MARCHF1: variants seen among roughly 807,000 people sequenced by gnomAD.
MARCHF1 encodes E3 ubiquitin-protein ligase MARCHF1.
In MARCHF1, 40 loss-of-function variants were observed where a neutral mutation model predicts 54.2. The ratio of observed to expected loss-of-function variants is 0.74; its 90% CI spans 0.57 to 0.96. The LOEUF (loss-of-function observed/expected upper bound fraction) is 0.96. Ranked by LOEUF, MARCHF1 falls within the 40% of genes least tolerant of loss-of-function variation. The pLI, the probability that MARCHF1 is intolerant of heterozygous loss-of-function variation, is 0.00. For synonymous variants in MARCHF1, 236 were observed against 236.3 expected, an observed-to-expected ratio of 1.00 and a Z score of 0.01; for missense variants, 586 against 656.5, an observed-to-expected ratio of 0.89 and a Z score of 1.17.
chr4:163,661,619 T>G (rs903795383), intron 5 of MARCHF1, among the ~76,000 whole-genome samples: 1 of 152,090 alleles, frequency 6.6e-6, no homozygotes, highest in Non-Finnish European at 1.5e-5. Flanking sequence ...GCTTTATTGA[T>G]GTATAATTGA....
chr4:164,106,060 A>T (rs967578285), intron 2 of MARCHF1, among the ~76,000 whole-genome samples: 13 of 151,458 alleles, frequency 8.6e-5, no homozygotes, highest in African/African-American at 1.9e-4. Flanking sequence ...TCAAAACCAC[A>T]ATGAGATACC....
intron 4 of MARCHF1, among the ~76,000 whole-genome samples, chr4:163,770,015 T>C (rs1747108487): frequency 6.6e-6 from 1 of 152,142 alleles, no homozygotes; most frequent in African/African-American, 2.4e-5. Flanking sequence ...ATGATTCACT[T>C]CCATTTAATG....
chr4:164,165,263 A>G (rs1281059982), intron 1 of MARCHF1, among the ~76,000 whole-genome samples: 2 of 152,044 alleles, frequency 1.3e-5, no homozygotes, highest in African/African-American at 4.8e-5. Flanking sequence ...TAGGGCCTTT[A>G]TAGAAATAAA....
intron 5 of MARCHF1, among the ~76,000 whole-genome samples, chr4:163,657,374 G>GGAGA (rs1743186003): frequency 6.6e-6 from 1 of 151,978 alleles, no homozygotes; most frequent in Non-Finnish European, 1.5e-5. Context: ...ACCTCTTCAA[G>GGAGA]GAGAACTACA....
chr4:163,616,649 C>T (rs1460079892), intron 5 of MARCHF1, among the ~76,000 whole-genome samples: 1 of 151,986 alleles, frequency 6.6e-6, no homozygotes, highest in Non-Finnish European at 1.5e-5. Context: ...GGAGGATGTG[C>T]TGGAGGCTTC....
chr4:164,180,295 T>G (rs1044094805), intron 1 of MARCHF1, among the ~76,000 whole-genome samples: 1 of 152,066 alleles, frequency 6.6e-6, no homozygotes. Flanking sequence ...ATGTGCTGAA[T>G]TTAAAGAATT....
chr4:164,318,152 T>C (rs190493459), intron 1 of MARCHF1, among the ~76,000 whole-genome samples: 1 of 152,304 alleles, frequency 6.6e-6, no homozygotes. Context: ...AAGGATTACA[T>C]GAATTGATAG....
intron 4 of MARCHF1, among the ~76,000 whole-genome samples, chr4:163,850,743 C>T (rs1718789530): frequency 6.6e-6 from 1 of 152,170 alleles, no homozygotes; most frequent in African/African-American, 2.4e-5. Context: ...TAGAGAGGCA[C>T]TGAGTCTGCT....
At chr4:163,809,285 A>G (rs750524648) in intron 4 of MARCHF1, among the ~76,000 whole-genome samples, 63 of 152,330 alleles carry the variant, frequency 4.1e-4, no homozygotes, top group Non-Finnish European at 6.9e-4. Context: ...AGTAAGAAGA[A>G]AAACCTTTTA....
intron 1 of MARCHF1, among the ~76,000 whole-genome samples, chr4:164,274,636 C>T (rs1185074298): frequency 1.6e-5 from 2 of 127,678 alleles, no homozygotes; most frequent in Non-Finnish European, 3.3e-5. Flanking sequence ...CTACCTGTCG[C>T]TTGATGTGTG....
At position 163,548,695 on chromosome 4, in the gene MARCHF1, A is replaced by G. The variant is rs11947809; in HGVS notation, c.1192-2952T>C. Reference sequence around the variant, plus strand: ...ACAGTGCCCTCTTCCTAACGACTACATTACTGCATGCAATATTCAGTAAAT... The same window carrying G: ...ACAGTGCCCTCTTCCTAACGACTACGTTACTGCATGCAATATTCAGTAAAT... On this transcript the variant is annotated intron_variant, in intron 8 of 9. Coordinates refer to ENST00000514618, the MANE Select transcript of MARCHF1 (RefSeq NM_001394959.1). 7.8e-3 allele frequency among the ~76,000 whole-genome samples: 1,181 copies of G among 152,330 alleles called. 12 individuals carry two copies. Among genetic ancestry groups the G allele is most frequent in the African/African-American group, 0.025 (1,046 of 41,576 alleles).
chr4:163,901,012 T>G (rs1439385028), intron 3 of MARCHF1, among the ~76,000 whole-genome samples: 3 of 152,188 alleles, frequency 2.0e-5, no homozygotes, highest in Non-Finnish European at 4.4e-5. Flanking sequence ...GACACCACAT[T>G]GCTACACTTT....
At chr4:163,569,786 T>TA (rs1280365713) in intron 8 of MARCHF1, among the ~76,000 whole-genome samples, 11 of 152,162 alleles carry the variant, frequency 7.2e-5, no homozygotes, top group Non-Finnish European at 1.3e-4. Flanking sequence ...TTCAGGTAAA[T>TA]ATTTGAATGC....
Position 163,636,080 on chromosome 4 carries a change from C to T in MARCHF1, c.163-22687G>A, listed in dbSNP as rs866019316. On this transcript the variant is annotated intron_variant, in intron 5 of 9. Coordinates refer to ENST00000514618, the MANE Select transcript of MARCHF1 (RefSeq NM_001394959.1). ...TAAAAACTCTCAATAAATTAGGTAT[C>T]GATGGGACGTATTTCAAAACAATAA... Among the ~76,000 whole-genome samples the T allele has an allele frequency of 2.2e-4, 34 of 152,192 alleles. 1 individual carries two copies. The highest frequency in any genetic ancestry group is 3.4e-3 in the Middle Eastern group (1 of 294).
At chr4:163,610,373 T>A (rs11736022) in intron 7 of MARCHF1, among the ~76,000 whole-genome samples, 139,595 of 152,128 alleles carry the variant, frequency 0.92, 64,152 homozygotes, top group African/African-American at 0.97. Context: ...TAATACCTAT[T>A]GGCTCATCTA....
chr4:163,923,572 T>G (rs918506102), intron 3 of MARCHF1, among the ~76,000 whole-genome samples: 6 of 152,102 alleles, frequency 3.9e-5, no homozygotes, highest in Non-Finnish European at 2.9e-5. Context: ...GGATACTATC[T>G]TATATGCTAT....
chr4:163,745,195 C>T (rs957586471), intron 4 of MARCHF1, among the ~76,000 whole-genome samples: 5 of 151,714 alleles, frequency 3.3e-5, no homozygotes, highest in African/African-American at 1.2e-4. Context: ...TCATGGCAAC[C>T]TCTGTTTTTT....
At chr4:163,624,718 C>G (rs374914401) in intron 5 of MARCHF1, among the ~76,000 whole-genome samples, 1 of 152,218 alleles carries the variant, frequency 6.6e-6, no homozygotes, top group Non-Finnish European at 1.5e-5. Context: ...TTCCCCATTA[C>G]CTGAGTGTCC....
intron 4 of MARCHF1, among the ~76,000 whole-genome samples, chr4:163,769,923 T>C (rs1289635934): frequency 6.6e-6 from 1 of 152,146 alleles, no homozygotes; most frequent in African/African-American, 2.4e-5. Flanking sequence ...CTGCCACCCC[T>C]GAGATAGCAA....
Sources: allele counts gnomAD v4.1 joint callset (sites outside exome capture counted in the v4.1 genomes callset), GRCh38; gene constraint gnomAD v4.1.1; transcripts MANE v1.5; gene names NCBI Gene and HGNC (gene_info 2026-07-23, HGNC 2026-07-21).